Variants in HS6ST3 observed in about 807,000 individuals in gnomAD.
HS6ST3 encodes the protein heparan sulfate 6-O-sulfotransferase 3.
HS6ST3 carries 12 observed loss-of-function variants against 36.7 expected under a neutral mutation model. The observed-to-expected ratio is 0.33, with a 90% CI of 0.21 to 0.53. The LOEUF is 0.53. HS6ST3 is among the 20% of genes least tolerant of loss of function. The pLI, the probability that HS6ST3 is intolerant of heterozygous loss-of-function variation, is 0.95. For missense variants in HS6ST3, 584 were observed against 640.9 expected, an observed-to-expected ratio of 0.91 and a Z score of 0.96; for synonymous variants, 240 against 257.5, an observed-to-expected ratio of 0.93 and a Z score of 0.65.
rs540298496 is a variant in HS6ST3 at position 96,724,913 on chromosome 13, G to A, written c.708-107577G>A. ...GATGGAATGACTGGATCATATAGTA[G>A]GCATATGTTTAACTTTTTCAGAAAT... On this transcript the variant is annotated intron_variant, in intron 1 of 1. Transcript: ENST00000376705. 4.6e-5 allele frequency among the ~76,000 whole-genome samples: 7 copies of A among 152,228 alleles called. No homozygotes were observed. The East Asian group carries it at 1.4e-3, about 29-fold the overall frequency.
intron 1 of HS6ST3, among the ~76,000 whole-genome samples, chr13:96,638,419 C>T (rs1299446585): frequency 6.6e-6 from 1 of 151,998 alleles, no homozygotes; most frequent in Non-Finnish European, 1.5e-5. Flanking sequence ...CTCTCTACTG[C>T]AGTTTCTTCA....
At chr13:96,532,660 GA>G (rs1475164618) in intron 1 of HS6ST3, among the ~76,000 whole-genome samples, 1 of 152,206 alleles carries the variant, frequency 6.6e-6, no homozygotes, top group Admixed American at 6.5e-5. Flanking sequence ...GGCTAACAAA[GA>G]GAACCTTTCC....
intron 1 of HS6ST3, among the ~76,000 whole-genome samples, chr13:96,399,350 A>G (rs2055437625): frequency 6.6e-6 from 1 of 152,166 alleles, no homozygotes; most frequent in Non-Finnish European, 1.5e-5. Context: ...GAATTAGCCT[A>G]ACCTTTTTAT....
intron 1 of HS6ST3, among the ~76,000 whole-genome samples, chr13:96,537,065 A>G (rs1358996933): frequency 2.0e-5 from 3 of 152,036 alleles, no homozygotes; most frequent in African/African-American, 7.3e-5. Flanking sequence ...CTGTTTTCAC[A>G]CTCCTGATAA....
intron 1 of HS6ST3, among the ~76,000 whole-genome samples, chr13:96,745,171 T>C (rs1024776910): frequency 6.6e-6 from 1 of 152,110 alleles, no homozygotes; most frequent in African/African-American, 2.4e-5. Context: ...CTGCCATCCA[T>C]GCAGCCACCT....
At chr13:96,828,619 C>T (rs377388290) in intron 1 of HS6ST3, among the ~76,000 whole-genome samples, 19 of 152,008 alleles carry the variant, frequency 1.2e-4, no homozygotes, top group East Asian at 1.9e-4. Context: ...GTTTATTCAA[C>T]GTTAAGTTAA....
At chr13:96,543,375 T>C (rs1300238911) in intron 1 of HS6ST3, among the ~76,000 whole-genome samples, 1 of 151,990 alleles carries the variant, frequency 6.6e-6, no homozygotes, top group East Asian at 1.9e-4. Context: ...GCCCCAAGAG[T>C]AATTCTCAGA....
chr13:96,319,572 T>C (rs189663029), intron 1 of HS6ST3, among the ~76,000 whole-genome samples: 1 of 152,288 alleles, frequency 6.6e-6, no homozygotes, highest in Admixed American at 6.5e-5. Flanking sequence ...ACTGCAAGAC[T>C]TTTCCCCAAA....
chr13:96,230,209 G>A (rs1462221569), intron 1 of HS6ST3, among the ~76,000 whole-genome samples: 7 of 152,148 alleles, frequency 4.6e-5, no homozygotes, highest in Admixed American at 4.6e-4. Flanking sequence ...CTTTTAGAGT[G>A]TAATGTTGAA....
At chr13:96,576,397 T>C (rs2056321424) in intron 1 of HS6ST3, among the ~76,000 whole-genome samples, 1 of 152,164 alleles carries the variant, frequency 6.6e-6, no homozygotes, top group Non-Finnish European at 1.5e-5. Flanking sequence ...GGGCAACAAT[T>C]ACTCTTAGGT....
chr13:96,707,968 G>T (rs764773476), intron 1 of HS6ST3, among the ~76,000 whole-genome samples: 4 of 152,182 alleles, frequency 2.6e-5, no homozygotes, highest in Admixed American at 2.6e-4. Flanking sequence ...AGTTAGTGAG[G>T]TTTGCTGATG....
At chr13:96,730,759 G>A (rs1049495046) in intron 1 of HS6ST3, among the ~76,000 whole-genome samples, 3 of 151,850 alleles carry the variant, frequency 2.0e-5, no homozygotes, top group Non-Finnish European at 2.9e-5. Flanking sequence ...GTAGAGATGC[G>A]GTTTCACTCT....
intron 1 of HS6ST3, among the ~76,000 whole-genome samples, chr13:96,716,173 C>A (rs1314262185): frequency 1.3e-5 from 2 of 151,848 alleles, no homozygotes; most frequent in East Asian, 3.9e-4. Flanking sequence ...TCTTTAATTA[C>A]CTACCATTAT....
chr13:96,332,408 T>G (rs2055075897), intron 1 of HS6ST3, among the ~76,000 whole-genome samples: 1 of 152,202 alleles, frequency 6.6e-6, no homozygotes, highest in Non-Finnish European at 1.5e-5. Context: ...TCTTATCTTT[T>G]TATTTTCAGC....
In HS6ST3 at chr13:96,696,284, G is replaced by A. The variant is rs146627172; in HGVS notation, c.708-136206G>A. Among the ~76,000 whole-genome samples, 693 of 152,214 alleles carry A rather than the reference G, an allele frequency of 4.6e-3. 4 individuals are homozygous for A. Among genetic ancestry groups the A allele is most frequent in the Admixed American group, 0.013 (202 of 15,290 alleles). ...GGCTCTGCCCTGTGGTCTTGCAGCT[G>A]AGTGAGGCACACCCGGATTATCTAG... is the stretch of plus-strand genomic sequence containing the variant. On this transcript the variant is annotated intron_variant, in intron 1 of 1. Coordinates refer to ENST00000376705, the MANE Select transcript of HS6ST3 (RefSeq NM_153456.4).
At chr13:96,339,903 A>C (rs1417977322) in intron 1 of HS6ST3, among the ~76,000 whole-genome samples, 2 of 152,312 alleles carry the variant, frequency 1.3e-5, no homozygotes, top group Non-Finnish European at 1.5e-5. Flanking sequence ...CGATCAAGAA[A>C]TTATTTCCAG....
At chr13:96,141,464 C>T (rs2054031714) in intron 1 of HS6ST3, among the ~76,000 whole-genome samples, 1 of 152,088 alleles carries the variant, frequency 6.6e-6, no homozygotes, top group Admixed American at 6.6e-5. Context: ...AGTGATCCTC[C>T]CACCTCAGCC....
chr13:96,833,849 A>C lies in HS6ST3; in HGVS notation c.*651A>C, dbSNP rs1160388506. ...AATCCTGACACCATAACCTTAAGCC[A>C]TGCCTTTCCTTCCATCTTTTAGGGA... On this transcript the variant is annotated 3_prime_UTR_variant, in exon 2 of 2. Coordinates refer to ENST00000376705, the MANE Select transcript of HS6ST3 (RefSeq NM_153456.4). 6.6e-6 allele frequency: 1 copy of C among 152,248 alleles called. No homozygotes were observed. The highest frequency in any genetic ancestry group is 1.5e-5 in the Non-Finnish European group (1 of 68,066). The allele number at this position is 152,248 out of a possible 1,614,324, so 9.4% of individuals were successfully genotyped here.
chr13:96,763,219 A>G (rs1234976751), intron 1 of HS6ST3, among the ~76,000 whole-genome samples: 1 of 151,086 alleles, frequency 6.6e-6, no homozygotes, highest in African/African-American at 2.4e-5. Context: ...AGACATAAGT[A>G]TATATATGAA....
Sources: allele counts gnomAD v4.1 joint callset (sites outside exome capture counted in the v4.1 genomes callset), GRCh38; gene constraint gnomAD v4.1.1; transcripts MANE v1.5; gene names NCBI Gene and HGNC (gene_info 2026-07-23, HGNC 2026-07-21).